Variants in SCN1A observed in about 807,000 individuals in gnomAD.
SCN1A encodes the protein sodium voltage-gated channel alpha subunit 1.
SCN1A carries 13 observed loss-of-function variants against 193.7 expected under a neutral mutation model. That is an observed-to-expected ratio of 0.07 (90% CI 0.04 to 0.11). The LOEUF is 0.11. SCN1A is among the 10% of genes least tolerant of loss of function. SCN1A has a pLI of 1.00. For synonymous variants in SCN1A, 781 were observed against 843.6 expected (o/e 0.93, Z 1.29); for missense variants, 1,432 against 2,451.1 (o/e 0.58, Z 8.78).
At chr2:166,102,497 T>A in intron 2 of SCN1A, among the ~76,000 whole-genome samples, 1 of 102,548 alleles carries the variant, frequency 9.8e-6, no homozygotes, top group Non-Finnish European at 1.9e-5. Context: ...TAAGATTACA[T>A]CTCAAAAAAA....
intron 2 of SCN1A, among the ~76,000 whole-genome samples, chr2:166,117,973 A>AT (rs201407212): frequency 0.13 from 19,855 of 149,248 alleles, 1,415 homozygotes; most frequent in Middle Eastern, 0.24. Flanking sequence ...AAAAAAAAAA[A>AT]TTTTTTTTTT....
At chr2:166,038,511 T>A (rs1321615386) in intron 17 of SCN1A, among the ~76,000 whole-genome samples, 1 of 151,974 alleles carries the variant, frequency 6.6e-6, no homozygotes, top group African/African-American at 2.4e-5. Flanking sequence ...TGGTTAAATA[T>A]ATATATAGTA....
intron 21 of SCN1A, among the ~76,000 whole-genome samples, chr2:166,012,926 G>T (rs773687811): frequency 1.3e-5 from 2 of 151,110 alleles, no homozygotes; most frequent in Non-Finnish European, 3.0e-5. Context: ...GACTTCTAAA[G>T]TAGCGTGTAG....
chr2:166,117,582 G>T (rs2106226104), intron 2 of SCN1A, among the ~76,000 whole-genome samples: 1 of 152,316 alleles, frequency 6.6e-6, no homozygotes, highest in East Asian at 1.9e-4. Flanking sequence ...AGTGAAAAAG[G>T]TAAATAATGT....
intron 19 of SCN1A, among the ~76,000 whole-genome samples, chr2:166,029,864 C>T (rs1695316932): frequency 6.6e-6 from 1 of 152,134 alleles, no homozygotes; most frequent in South Asian, 2.1e-4. Flanking sequence ...AACTATCACA[C>T]TCTGGGAGAC....
At chr2:166,023,066 C>A (rs962294589) in intron 19 of SCN1A, among the ~76,000 whole-genome samples, 1 of 152,112 alleles carries the variant, frequency 6.6e-6, no homozygotes, top group Non-Finnish European at 1.5e-5. Flanking sequence ...TTTTTAAATT[C>A]AACATGGTGC....
At chr2:166,085,300 C>G (rs549456056) in intron 2 of SCN1A, among the ~76,000 whole-genome samples, 1 of 152,278 alleles carries the variant, frequency 6.6e-6, no homozygotes, top group African/African-American at 2.4e-5. Flanking sequence ...TTAAGACTTT[C>G]ACCTTTCATT....
At position 166,045,474 on chromosome 2, in the gene SCN1A, G is replaced by A. The variant is rs1697710737; in HGVS notation, c.1378-147C>T. 4 of 896,224 alleles carry A rather than the reference G, an allele frequency of 4.5e-6. No homozygotes were observed. In the Admixed American group the frequency reaches 1.2e-4, roughly 27 times the overall value. The allele number at this position is 896,224 out of a possible 1,614,324, so 55.5% of individuals were successfully genotyped here. A position where few individuals can be genotyped will look rare whatever the true frequency, so the allele number is the denominator to read the frequency against. On this transcript the variant is annotated intron_variant, in intron 12 of 28. Transcript: ENST00000674923. ...GAGAAGATTCTCTGCAAGTATAAGA[G>A]GAGATTTTTTTTTTCTTTCTACCTA...
intron 22 of SCN1A, 46 bp downstream of exon 22, chr2:166,012,063 A>C: frequency 1.3e-6 from 2 of 1,560,328 alleles, no homozygotes; most frequent in Non-Finnish European, 1.8e-6. Flanking sequence ...GAATATAAAT[A>C]AGACAAGCTA....
At chr2:166,142,460 A>G (rs779611325) in intron 1 of SCN1A, among the ~76,000 whole-genome samples, 1 of 152,176 alleles carries the variant, frequency 6.6e-6, no homozygotes, top group South Asian at 2.1e-4. Context: ...CAAAACTTTT[A>G]TATTTTTATA....
At chr2:166,001,733 C>A (rs1450225615) in intron 24 of SCN1A, among the ~76,000 whole-genome samples, 3 of 151,304 alleles carry the variant, frequency 2.0e-5, no homozygotes, top group Non-Finnish European at 4.4e-5. Context: ...TTCTTGGAGA[C>A]CCAGTCTTAG....
chr2:166,077,969 G>A (rs1298226416), intron 2 of SCN1A, 168 bp from the exon 3 acceptor site: 1 of 151,806 alleles, frequency 6.6e-6, no homozygotes, highest in African/African-American at 2.4e-5. Flanking sequence ...ATCTAAAATG[G>A]ACATACAGTA....
Position 166,036,113 on chromosome 2 carries a change from A to T in SCN1A, c.3364T>A (p.Ser1122Thr), listed in dbSNP as rs1368863513. ...TCCGTGTTTAAATTTTCAAAGTCAGATTCTCCTACAGCAATTGGTACAGTC... is the reference window on the plus strand; with the variant it reads ...TCCGTGTTTAAATTTTCAAAGTCAGTTTCTCCTACAGCAATTGGTACAGTC... Reference protein sequence around the residue: ...TVTVPIAVGESDFENLNTEDF... With the variant: ...TVTVPIAVGETDFENLNTEDF... Residue 1122 changes from serine (S) to threonine (T), a missense_variant, in exon 19 of 29, where the codon TCT becomes ACT. Coordinates refer to ENST00000674923, the MANE Select transcript of SCN1A (RefSeq NM_001165963.4). The T allele has an allele frequency of 3.1e-6, 5 of 1,613,942 alleles. No homozygotes were observed. The highest frequency in any genetic ancestry group is 1.7e-4 in the Middle Eastern group (1 of 6,058).
chr2:166,039,700 C>T (rs1696903836), intron 16 of SCN1A, 104 bp from the exon 17 acceptor site: 3 of 967,722 alleles, frequency 3.1e-6, no homozygotes, highest in African/African-American at 1.6e-5. Context: ...CACAATGATT[C>T]TATTACTAAC....
chr2:166,143,330 C>T (rs952751885), intron 1 of SCN1A, among the ~76,000 whole-genome samples: 9 of 151,948 alleles, frequency 5.9e-5, no homozygotes, highest in Non-Finnish European at 1.2e-4. Flanking sequence ...CCACGCCCGG[C>T]TAATTTTTTG....
intron 1 of SCN1A, among the ~76,000 whole-genome samples, chr2:166,140,799 T>C (rs1692047242): frequency 1.3e-5 from 2 of 152,222 alleles, no homozygotes; most frequent in Admixed American, 6.5e-5. Context: ...ACAAGTGCTT[T>C]TCGGCTCTGC....
chr2:166,022,475 G>A (rs1162073310), intron 19 of SCN1A, among the ~76,000 whole-genome samples: 2 of 152,190 alleles, frequency 1.3e-5, no homozygotes, highest in African/African-American at 4.8e-5. Flanking sequence ...TAAACTTGAA[G>A]AATTGACAGT....
Position 165,991,466 on chromosome 2 carries a change from G to C in SCN1A, c.5809C>G (p.Gln1937Glu), listed in dbSNP as rs1358776988. 3 of 1,613,708 alleles carry C rather than the reference G, an allele frequency of 1.9e-6. No homozygotes were observed. The highest frequency in any genetic ancestry group is 1.3e-5 in the African/African-American group (1 of 74,876). ...RRHLLKRTVKQASFTYNKNKI... is the reference protein window; with the variant it reads ...RRHLLKRTVKEASFTYNKNKI... ...TTTTTATTGTACGTAAAGGAAGCTT[G>C]TTTTACAGTTCGCTTTAAAAGGTGG... Residue 1937 changes from glutamine to glutamate, a missense_variant, in exon 29 of 29, where the codon CAA becomes GAA. Physicochemically the swap from Gln to Glu is conservative, Grantham distance 29. Transcript: ENST00000674923.
intron 20 of SCN1A, 61 bp from the exon 21 acceptor site, chr2:166,013,959 C>T: frequency 6.3e-7 from 1 of 1,575,976 alleles, no homozygotes; most frequent in Non-Finnish European, 8.7e-7. Flanking sequence ...TATCCTTTAG[C>T]AATGTCCTTG....
Sources: gnomAD v4.1 joint callset for allele counts (sites outside exome capture counted in the v4.1 genomes callset) on GRCh38, gnomAD v4.1.1 for gene constraint, MANE v1.5 for transcripts, NCBI Gene and HGNC (gene_info 2026-07-23, HGNC 2026-07-21) for gene names.